Variants in MTR observed in about 807,000 individuals in gnomAD.
MTR encodes the protein 5-methyltetrahydrofolate-homocysteine methyltransferase.
Under a neutral mutation model 154.8 loss-of-function variants are expected in MTR, and 84 were observed. That is an observed-to-expected ratio of 0.54 (90% CI 0.45 to 0.65). The LOEUF is 0.65. Ranked by LOEUF, MTR falls within the 30% of genes least tolerant of loss-of-function variation. The pLI is 0.00. For synonymous variants in MTR, 554 were observed against 553.9 expected, an observed-to-expected ratio of 1.00 and a Z score of 0.00; for missense variants, 1,275 against 1,570.2, an observed-to-expected ratio of 0.81 and a Z score of 3.18.
intron 31 of MTR, 57 bp downstream of exon 31, chr1:236,895,607 A>T (rs1366934937): frequency 1.3e-5 from 20 of 1,519,642 alleles, no homozygotes; most frequent in Non-Finnish European, 1.6e-5. Flanking sequence ...TACTCTTATC[A>T]GCATACTGGC....
intron 18 of MTR, among the ~76,000 whole-genome samples, chr1:236,856,645 A>G (rs985694595): frequency 2.6e-5 from 4 of 151,872 alleles, no homozygotes; most frequent in Non-Finnish European, 5.9e-5. Context: ...CCCATCATCT[A>G]TATTAGGTAT....
intron 22 of MTR, among the ~76,000 whole-genome samples, chr1:236,865,430 T>C (rs1037102029): frequency 6.6e-6 from 1 of 152,246 alleles, no homozygotes; most frequent in Admixed American, 6.5e-5. Flanking sequence ...ATGTGTACTT[T>C]TACTGTCAGT....
chr1:236,861,087 CTTTCTT>C, intron 19 of MTR, 32 bp from the exon 20 acceptor site: 1 of 1,444,748 alleles, frequency 6.9e-7, no homozygotes. Flanking sequence ...TTTTTTCTTT[CTTTCTT>C]TTTCTTTTTT....
rs111465715 is a variant in MTR at position 236,894,369 on chromosome 1, T to C, written c.3217T>C (p.Ser1073Pro). The C allele has an allele frequency of 2.5e-5, 40 of 1,614,224 alleles. No individual in the cohort carries two copies. The African/African-American group carries it at 4.3e-4, about 17-fold the overall frequency. The change falls in exon 30 of 33, where the codon TCT becomes CCT. Residue 1073 changes from serine to proline, a missense_variant. Ser to Pro is a moderately conservative substitution (Grantham distance 74). Transcript: ENST00000366577. ...YGLRQQAEKD[S>P]ASTEPYYCLS... ...CCTTGGTTTTAAGGCTGAGAAGGACTCTGCCAGCACGGAGCCATACTACTG... is the reference window on the plus strand; with the variant it reads ...CCTTGGTTTTAAGGCTGAGAAGGACCCTGCCAGCACGGAGCCATACTACTG...
intron 25 of MTR, among the ~76,000 whole-genome samples, chr1:236,881,390 A>C (rs569333011): frequency 4.4e-4 from 67 of 152,288 alleles, no homozygotes; most frequent in Non-Finnish European, 7.4e-5. Context: ...TTTTCACTGA[A>C]TAATGGGATA....
intron 1 of MTR, among the ~76,000 whole-genome samples, chr1:236,796,050 C>A (rs1038454713): frequency 6.6e-6 from 1 of 152,100 alleles, no homozygotes; most frequent in Admixed American, 6.5e-5. Context: ...CATAAACCAG[C>A]TGGGCCCTCT....
intron 18 of MTR, among the ~76,000 whole-genome samples, chr1:236,854,997 A>AGT (rs1412605338): frequency 6.6e-6 from 1 of 152,130 alleles, no homozygotes; most frequent in Admixed American, 6.5e-5. Context: ...TGTCAGGGAG[A>AGT]CTGTCTGCCT....
At chr1:236,876,032 T>G (rs1056886248) in intron 24 of MTR, among the ~76,000 whole-genome samples, 4 of 152,184 alleles carry the variant, frequency 2.6e-5, no homozygotes, top group Admixed American at 2.6e-4. Flanking sequence ...GGTCTTCAGC[T>G]GACTGGATGA....
intron 1 of MTR, 148 bp downstream of exon 1, chr1:236,795,885 G>C: frequency 8.2e-7 from 1 of 1,215,348 alleles, no homozygotes. Flanking sequence ...ACTTAGCGCA[G>C]GAGCCCGGAG....
rs150058137 is a variant in MTR, at chr1:236,859,899, C to A, written c.2020C>A (p.Arg674Ser). ...DEWRNGPVEE[R>S]LEYALVKGIE... ...GTGGAGAAATGGCCCTGTCGAAGAACGCCTTGAGTATGCCCTTGTGAAGGT... is the reference window on the plus strand; with the variant it reads ...GTGGAGAAATGGCCCTGTCGAAGAAAGCCTTGAGTATGCCCTTGTGAAGGT... The change falls in exon 19 of 33, where the codon CGC becomes AGC. Residue 674 changes from arginine to serine, a missense_variant. Arg to Ser is a moderately radical substitution (Grantham distance 110). Coordinates refer to ENST00000366577, the MANE Select transcript of MTR (RefSeq NM_000254.3). The A allele has an allele frequency of 6.2e-6, 10 of 1,613,926 alleles. No homozygotes were observed. The highest frequency in any genetic ancestry group is 2.2e-5 in the East Asian group (1 of 44,860).
chr1:236,823,325 C>G (rs906583876), intron 8 of MTR, among the ~76,000 whole-genome samples: 1 of 152,094 alleles, frequency 6.6e-6, no homozygotes, highest in African/African-American at 2.4e-5. Context: ...CTAATATGGT[C>G]CAGTGAACAT....
chr1:236,830,813 C>T (rs746946766), intron 12 of MTR, among the ~76,000 whole-genome samples: 3 of 152,146 alleles, frequency 2.0e-5, no homozygotes, highest in East Asian at 1.9e-4. Flanking sequence ...AAGCCAGTAC[C>T]GTGCATGGAA....
At chr1:236,810,136 T>A (rs980887491) in intron 4 of MTR, among the ~76,000 whole-genome samples, 4 of 152,186 alleles carry the variant, frequency 2.6e-5, no homozygotes, top group African/African-American at 9.7e-5. Context: ...CTGAAATGTT[T>A]TAGTTAGTTG....
intron 15 of MTR, among the ~76,000 whole-genome samples, chr1:236,842,040 C>T (rs570139580): frequency 1.6e-4 from 24 of 152,224 alleles, no homozygotes; most frequent in Non-Finnish European, 1.3e-4. Flanking sequence ...TACAGGCACC[C>T]GCCACCTTAC....
rs1666799185 is a variant in MTR, at chr1:236,898,783, TGGACAAGTG to T, written c.*1142_*1150del. The T allele has an allele frequency of 6.6e-6, 1 of 152,146 alleles. No individual in the cohort carries two copies. The highest frequency in any genetic ancestry group is 2.4e-5 in the African/African-American group (1 of 41,426). 9.4% of individuals were successfully genotyped at this position (152,146 alleles called of 1,614,324 possible). A position where few individuals can be genotyped will look rare whatever the true frequency, so the allele number is the denominator to read the frequency against. On this transcript the variant is annotated 3_prime_UTR_variant, in exon 33 of 33. Transcript: ENST00000366577. The stretch of plus-strand genomic sequence containing the variant: ...TGGGCTCTGATATCCCGTGCGGAGT[TGGACAAGTG>T]GGCAGCATAAAGTCACTCATTTCTT...
chr1:236,806,676 G>A (rs76651537), intron 3 of MTR, among the ~76,000 whole-genome samples: 1 of 152,244 alleles, frequency 6.6e-6, no homozygotes, highest in African/African-American at 2.4e-5. Flanking sequence ...CATCACCACT[G>A]TCCATTTCCA....
chr1:236,899,664 C>T lies in MTR; in HGVS notation c.*2020C>T, dbSNP rs561142913. On this transcript the variant is annotated 3_prime_UTR_variant, in exon 33 of 33. Transcript: ENST00000366577. ...AAGTCAATTCTGTTAAAACTCAAGG[C>T]TTATATTAAGCAAACACTTGAAGTG... is the stretch of plus-strand genomic sequence containing the variant. The T allele has an allele frequency of 6.6e-6, 1 of 152,248 alleles. No individual in the cohort carries two copies. Among genetic ancestry groups the T allele is most frequent in the South Asian group, 2.1e-4 (1 of 4,816 alleles). 9.4% of individuals were successfully genotyped at this position (152,248 alleles called of 1,614,324 possible). A position where few individuals can be genotyped will look rare whatever the true frequency, so the allele number is the denominator to read the frequency against.
chr1:236,815,706 A>G (rs1661553891), intron 7 of MTR, 43 bp downstream of exon 7: 1 of 1,581,396 alleles, frequency 6.3e-7, no homozygotes, highest in Non-Finnish European at 8.7e-7. Context: ...TTTATTAATA[A>G]TTGTCCTTTT....
intron 11 of MTR, among the ~76,000 whole-genome samples, chr1:236,827,966 C>T (rs774849323): frequency 2.6e-5 from 4 of 152,006 alleles, no homozygotes; most frequent in Non-Finnish European, 5.9e-5. Flanking sequence ...GTGATAGACT[C>T]TTAGTAAATA....
Sources: allele counts gnomAD v4.1 joint callset (sites outside exome capture counted in the v4.1 genomes callset), GRCh38; gene constraint gnomAD v4.1.1; transcripts MANE v1.5; gene names NCBI Gene and HGNC (gene_info 2026-07-23, HGNC 2026-07-21).